The following SUGCT variants were observed in gnomAD, a reference collection of about 807,000 sequenced individuals.
The protein encoded by SUGCT is succinyl-CoA:glutarate-CoA transferase.
Under a neutral mutation model 55.0 loss-of-function variants are expected in SUGCT, and 41 were observed. The ratio of observed to expected loss-of-function variants is 0.74; its 90% confidence interval spans 0.58 to 0.97. SUGCT has a LOEUF of 0.97. Among genes scored for constraint, SUGCT ranks in the 50% least tolerant of loss-of-function variants. The pLI, the probability that SUGCT is intolerant of heterozygous loss-of-function variation, is 0.00. For synonymous variants in SUGCT, 187 were observed against 200.4 expected (o/e 0.93, Z 0.56); for missense variants, 568 against 547.8 (o/e 1.04, Z -0.37).
intron 7 of SUGCT, among the ~76,000 whole-genome samples, chr7:40,249,564 A>G (rs1190916520): frequency 1.3e-5 from 2 of 151,516 alleles, no homozygotes; most frequent in Admixed American, 6.6e-5. Flanking sequence ...ATGACTTAGA[A>G]TAACATATTT....
intron 9 of SUGCT, among the ~76,000 whole-genome samples, chr7:40,448,721 T>C (rs1179107169): frequency 2.0e-5 from 3 of 152,126 alleles, no homozygotes; most frequent in African/African-American, 4.8e-5. Flanking sequence ...GCCATGCACC[T>C]GTAGTCCCAG....
At chr7:40,211,998 C>T (rs985473026) in intron 6 of SUGCT, among the ~76,000 whole-genome samples, 2 of 152,062 alleles carry the variant, frequency 1.3e-5, no homozygotes, top group African/African-American at 2.4e-5. Flanking sequence ...TTCTCTACAT[C>T]CTTGGTGTTA....
rs1794062036 is a variant in SUGCT, at chr7:40,854,471, T to TCTTTCTTTCTTTCTTTCTTC, written c.1154-5839_1154-5838insTTCTTTCTTTCTTCCTTTCT. ...TTCTTTCTTTCTTTCTTTCTTTCTTTCTTTCTCTTTCTCTCTTTCTTTCTT... is the reference window on the plus strand; with the variant it reads ...TTCTTTCTTTCTTTCTTTCTTTCTTTCTTTCTTTCTTTCTTTCTTCCTTTCTCTTTCTCTCTTTCTTTCTT... On this transcript the variant is annotated intron_variant, in intron 13 of 13. Coordinates refer to ENST00000335693, the MANE Select transcript of SUGCT (RefSeq NM_001193313.2). Among the ~76,000 whole-genome samples the TCTTTCTTTCTTTCTTTCTTC allele has an allele frequency of 2.0e-5, 3 of 148,424 alleles. No individual in the cohort carries two copies. The South Asian group carries it at 6.3e-4, about 31-fold the overall frequency.
intron 9 of SUGCT, among the ~76,000 whole-genome samples, chr7:40,369,218 A>G (rs183564194): frequency 5.9e-5 from 9 of 152,220 alleles, no homozygotes; most frequent in Admixed American, 5.9e-4. Flanking sequence ...GCATTTGGGA[A>G]CTAATACTTC....
intron 13 of SUGCT, among the ~76,000 whole-genome samples, chr7:40,811,931 T>C (rs1437705412): frequency 1.3e-5 from 2 of 152,156 alleles, no homozygotes; most frequent in African/African-American, 4.8e-5. Flanking sequence ...TATTTTGATG[T>C]ATGTTCATTC....
At chr7:40,593,486 G>A (rs1287806144) in intron 12 of SUGCT, among the ~76,000 whole-genome samples, 1 of 152,154 alleles carries the variant, frequency 6.6e-6, no homozygotes, top group East Asian at 1.9e-4. Context: ...GAATAAGAAA[G>A]TTTGAGAACA....
chr7:40,683,291 C>T (rs1448029403), intron 12 of SUGCT, among the ~76,000 whole-genome samples: 1 of 152,136 alleles, frequency 6.6e-6, no homozygotes, highest in Non-Finnish European at 1.5e-5. Flanking sequence ...TTGTTAAAGC[C>T]TGTGTAGCCC....
intron 13 of SUGCT, among the ~76,000 whole-genome samples, chr7:40,789,135 A>G (rs563738288): frequency 2.0e-5 from 3 of 152,082 alleles, no homozygotes; most frequent in Non-Finnish European, 4.4e-5. Flanking sequence ...TTACCGTGAG[A>G]TTTACTCTCT....
intron 12 of SUGCT, among the ~76,000 whole-genome samples, chr7:40,578,426 T>C (rs546405739): frequency 6.2e-4 from 95 of 152,082 alleles, no homozygotes; most frequent in African/African-American, 2.2e-3. Context: ...TGGGGTGTGG[T>C]ATGGGTATCT....
At chr7:40,236,370 G>A (rs528861757) in intron 6 of SUGCT, among the ~76,000 whole-genome samples, 1 of 138,380 alleles carries the variant, frequency 7.2e-6, no homozygotes, top group African/African-American at 2.8e-5. Flanking sequence ...CTTTTATGAT[G>A]TAGCAATAAG....
chr7:40,761,985 C>T (rs1469388276), intron 13 of SUGCT, among the ~76,000 whole-genome samples: 3 of 152,262 alleles, frequency 2.0e-5, no homozygotes, highest in East Asian at 1.9e-4. Flanking sequence ...GCCAGGAGCA[C>T]GCCCCGGGGA....
intron 10 of SUGCT, among the ~76,000 whole-genome samples, chr7:40,455,129 C>T (rs1789410421): frequency 6.6e-6 from 1 of 152,020 alleles, no homozygotes; most frequent in South Asian, 2.1e-4. Context: ...TTGCTATATT[C>T]CACTTGAAGT....
chr7:40,685,681 A>G (rs974409747), intron 12 of SUGCT, among the ~76,000 whole-genome samples: 2 of 152,246 alleles, frequency 1.3e-5, no homozygotes, highest in East Asian at 1.9e-4. Context: ...TTTCTCAGTA[A>G]TATGTTTTAG....
At chr7:40,296,672 T>C (rs953609997) in intron 8 of SUGCT, among the ~76,000 whole-genome samples, 4 of 150,724 alleles carry the variant, frequency 2.7e-5, no homozygotes, top group African/African-American at 4.9e-5. Flanking sequence ...TTTAAGCTTA[T>C]TGTTGAATTA....
chr7:40,973,167 GTC>G, the SUGCT span, among the ~76,000 whole-genome samples: 1 of 152,174 alleles, frequency 6.6e-6, no homozygotes, highest in South Asian at 2.1e-4. Context: ...TCTGCAGCAG[GTC>G]AAGTCTCTTC....
chr7:40,513,164 A>T (rs1433007984), intron 12 of SUGCT, among the ~76,000 whole-genome samples: 2 of 152,146 alleles, frequency 1.3e-5, no homozygotes, highest in African/African-American at 4.8e-5. Context: ...ACCAAAAATC[A>T]TACATCGTGT....
At chr7:40,851,232 T>C (rs1197856230) in intron 13 of SUGCT, among the ~76,000 whole-genome samples, 1 of 152,174 alleles carries the variant, frequency 6.6e-6, no homozygotes, top group African/African-American at 2.4e-5. Flanking sequence ...TATATTTGCA[T>C]CTGTCGTGTG....
intron 8 of SUGCT, among the ~76,000 whole-genome samples, chr7:40,289,689 C>T (rs1793603588): frequency 6.6e-6 from 1 of 152,074 alleles, no homozygotes; most frequent in Admixed American, 6.6e-5. Flanking sequence ...AAAGGGTATT[C>T]AATTAAGAAA....
At chr7:40,151,567 G>A (rs932082506) in intron 1 of SUGCT, 3 of 222,724 alleles carry the variant, frequency 1.3e-5, no homozygotes, top group African/African-American at 6.9e-5. Context: ...GCCATCCTTG[G>A]ATCCCAGAGC....
Sources: allele counts gnomAD v4.1 joint callset (sites outside exome capture counted in the v4.1 genomes callset), GRCh38; gene constraint gnomAD v4.1.1; transcripts MANE v1.5; gene names NCBI Gene and HGNC (gene_info 2026-07-23, HGNC 2026-07-21).